The following TMEM130 variants were observed in gnomAD, a reference collection of about 807,000 sequenced individuals.
TMEM130 encodes the protein transmembrane protein 130.
A neutral mutation model predicts 42.9 loss-of-function variants in TMEM130; 37 were observed. The ratio of observed to expected loss-of-function variants is 0.86; its 90% CI spans 0.66 to 1.13. TMEM130 has a LOEUF of 1.13. Among genes scored for constraint, TMEM130 ranks in the 50% most tolerant of loss-of-function variants. TMEM130 has a pLI of 0.00. For missense variants in TMEM130, 545 were observed against 562.6 expected (o/e 0.97, Z 0.32); for synonymous variants, 259 against 237.7 (o/e 1.09, Z -0.82).
In TMEM130 at chr7:98,869,989, C is replaced by A; in HGVS notation, c.-128G>T. ...TGCGGGGAGGTGCGGGCGCCGTGCTCGCTCGTCCTCGCCGGGGGACGCTCT... is the reference window on the plus strand; with the variant it reads ...TGCGGGGAGGTGCGGGCGCCGTGCTAGCTCGTCCTCGCCGGGGGACGCTCT... On this transcript the variant is annotated 5_prime_UTR_variant, in exon 1 of 8. Transcript: ENST00000339375. This position sits in a 1 kb window ranked among gnomAD's most constrained non-coding sequence, Gnocchi z 4.7. 1 of 507,612 alleles carries A rather than the reference C, an allele frequency of 2.0e-6. No homozygotes were observed. The highest frequency in any genetic ancestry group is 9.9e-5 in the South Asian group (1 of 10,146). The allele number at this position is 507,612 out of a possible 1,614,324, so 31.4% of individuals were successfully genotyped here. A position where few individuals can be genotyped will look rare whatever the true frequency, so the allele number is the denominator to read the frequency against.
At chr7:98,868,405 C>T (rs1378788838) in intron 1 of TMEM130, among the ~76,000 whole-genome samples, 1 of 152,190 alleles carries the variant, frequency 6.6e-6, no homozygotes, top group African/African-American at 2.4e-5. Flanking sequence ...ATGGAAGAAA[C>T]ACCTACCTTT....
intron 4 of TMEM130, 138 bp downstream of exon 4, chr7:98,855,879 T>C: frequency 9.8e-7 from 1 of 1,025,356 alleles, no homozygotes; most frequent in Non-Finnish European, 1.4e-6. Context: ...TGAAGCAGGG[T>C]TAATGATAGA....
At chr7:98,848,438 T>C (rs1794412532) in intron 7 of TMEM130, 145 bp downstream of exon 7, 1 of 754,068 alleles carries the variant, frequency 1.3e-6, no homozygotes, top group Non-Finnish European at 2.2e-6. Context: ...TACAGATGCC[T>C]CTTGGGCACA....
rs148184467 is a variant in TMEM130, at chr7:98,867,216, A to T, written c.85+2561T>A. On this transcript the variant is annotated intron_variant, in intron 1 of 7. Coordinates refer to ENST00000339375, the MANE Select transcript of TMEM130 (RefSeq NM_152913.3). ...CAGTGTCTTAACCCCAAAGAGGGAAATCCAGAAGCTGTGATGGGAGCTTTT... is the reference window on the plus strand; with the variant it reads ...CAGTGTCTTAACCCCAAAGAGGGAATTCCAGAAGCTGTGATGGGAGCTTTT... 1.5e-3 allele frequency among the ~76,000 whole-genome samples: 236 copies of T among 152,278 alleles called. 1 individual carries two copies. Among genetic ancestry groups the T allele is most frequent in the African/African-American group, 5.4e-3 (226 of 41,562 alleles).
rs1027337827 is a variant in TMEM130 at position 98,855,232 on chromosome 7, T to G, written c.803+8A>C. 1.7e-5 allele frequency: 27 copies of G among 1,611,832 alleles called. No homozygotes were observed. The highest frequency in any genetic ancestry group is 3.3e-4 in the Middle Eastern group (2 of 6,056). ...GGGCACCCCCAGTGCGCTCTGGAGC[T>G]CACTTACCTCCCCAGGAAGTTCAAG... is the stretch of plus-strand genomic sequence containing the variant. On this transcript the variant is annotated splice_region_variant and intron_variant, in intron 5 of 7. Coordinates refer to ENST00000339375, the MANE Select transcript of TMEM130 (RefSeq NM_152913.3).
intron 3 of TMEM130, among the ~76,000 whole-genome samples, chr7:98,856,804 G>C (rs1427783261): frequency 1.3e-5 from 2 of 152,062 alleles, no homozygotes; most frequent in Non-Finnish European, 2.9e-5. Flanking sequence ...CCAAGCCGAG[G>C]GTTCTGTTGG....
At chr7:98,857,178 C>T (rs1033239112) in intron 3 of TMEM130, among the ~76,000 whole-genome samples, 1 of 152,190 alleles carries the variant, frequency 6.6e-6, no homozygotes, top group Non-Finnish European at 1.5e-5. Context: ...CCCTCTTGGC[C>T]TCTCAAAGCA....
rs11974191 is a variant in TMEM130, at chr7:98,854,012, T to C, written c.803+1228A>G. ...TGTGCAGACTGGAGGGCAGAACAGA[T>C]TTGCTTTTTTTGTTTTTTGGTTTTT... On this transcript the variant is annotated intron_variant, in intron 5 of 7. Transcript: ENST00000339375. Among the ~76,000 whole-genome samples the C allele has an allele frequency of 6.1e-3, 911 of 150,342 alleles. 7 individuals carry two copies. The highest frequency in any genetic ancestry group is 0.021 in the African/African-American group (873 of 40,934).
intron 2 of TMEM130, among the ~76,000 whole-genome samples, chr7:98,862,484 T>G (rs541291500): frequency 1.7e-5 from 2 of 115,310 alleles, no homozygotes; most frequent in East Asian, 5.9e-4. Flanking sequence ...ACTACAATAA[T>G]TTCTTTTTTT....
intron 5 of TMEM130, among the ~76,000 whole-genome samples, chr7:98,852,270 C>T (rs1794527575): frequency 6.6e-6 from 1 of 152,110 alleles, no homozygotes; most frequent in East Asian, 1.9e-4. Flanking sequence ...ACTGGGACTA[C>T]AGGCACACAC....
At chr7:98,855,891 G>C (rs553834101) in intron 4 of TMEM130, 126 bp downstream of exon 4, 1 of 1,102,888 alleles carries the variant, frequency 9.1e-7, no homozygotes, top group Non-Finnish European at 1.3e-6. Flanking sequence ...AATGATAGAC[G>C]CTCCTCAGAG....
Position 98,855,191 on chromosome 7 carries a change from A to G in TMEM130, c.803+49T>C, listed in dbSNP as rs782423481. The G allele has an allele frequency of 9.8e-6, 15 of 1,523,300 alleles. No homozygotes were observed. The African/African-American group carries it at 1.8e-4, about 18-fold the overall frequency. 94.4% of individuals were successfully genotyped at this position (1,523,300 alleles called of 1,614,324 possible). ...AGACTTGGGGTCATCGTGAAGGGGG[A>G]TGTGCAGAGCCCACGGGGCACCCCC... On this transcript the variant is annotated intron_variant, in intron 5 of 7. Coordinates refer to ENST00000339375, the MANE Select transcript of TMEM130 (RefSeq NM_152913.3).
At chr7:98,856,225 G>A (rs782086505) in intron 3 of TMEM130, 42 bp from the exon 4 acceptor site, 11 of 1,595,796 alleles carry the variant, frequency 6.9e-6, no homozygotes, top group South Asian at 3.3e-5. Context: ...GACAGCAGAC[G>A]GTTGCTTCCC....
At chr7:98,849,738 G>A (rs371549802) in intron 6 of TMEM130, among the ~76,000 whole-genome samples, 8 of 152,258 alleles carry the variant, frequency 5.3e-5, no homozygotes, top group African/African-American at 1.9e-4. Flanking sequence ...CCAGGACCAG[G>A]AATCTGAAAC....
chr7:98,854,674 C>T (rs1031324039), intron 5 of TMEM130, among the ~76,000 whole-genome samples: 5 of 152,126 alleles, frequency 3.3e-5, no homozygotes, highest in Non-Finnish European at 5.9e-5. Context: ...GAGGTCAAGG[C>T]TACATTGAGC....
intron 3 of TMEM130, among the ~76,000 whole-genome samples, chr7:98,856,467 C>T (rs1049724882): frequency 2.0e-5 from 3 of 152,174 alleles, no homozygotes; most frequent in African/African-American, 2.4e-5. Context: ...AACAGCCCCA[C>T]GTGGTGAAGA....
chr7:98,854,932 A>G (rs1794592749), intron 5 of TMEM130, among the ~76,000 whole-genome samples: 1 of 152,206 alleles, frequency 6.6e-6, no homozygotes, highest in Non-Finnish European at 1.5e-5. Context: ...GCTAGTCGGG[A>G]GGCTGAGTCA....
At chr7:98,853,218 A>T (rs1037846929) in intron 5 of TMEM130, among the ~76,000 whole-genome samples, 1 of 151,978 alleles carries the variant, frequency 6.6e-6, no homozygotes, top group East Asian at 1.9e-4. Flanking sequence ...CCCCGTGAAA[A>T]CTACCTCCAA....
Position 98,847,975 on chromosome 7 carries a change from G to A in TMEM130, c.*81C>T. The A allele has an allele frequency of 7.1e-7, 1 of 1,399,006 alleles. No homozygotes were observed. The highest frequency in any genetic ancestry group is 9.9e-7 in the Non-Finnish European group (1 of 1,007,512). 86.7% of individuals were successfully genotyped at this position (1,399,006 alleles called of 1,614,324 possible). ...AGCCCCACGCAAATGAACCCCTCCT[G>A]GTCAGTGGTGCACACCACCCTGCTG... On this transcript the variant is annotated 3_prime_UTR_variant, in exon 8 of 8. Coordinates refer to ENST00000339375, the MANE Select transcript of TMEM130 (RefSeq NM_152913.3).
Sources: gnomAD v4.1 joint callset for allele counts (sites outside exome capture counted in the v4.1 genomes callset) on GRCh38, gnomAD v4.1.1 for gene constraint, Gnocchi (gnomAD v3.1) non-coding constraint, MANE v1.5 for transcripts, NCBI Gene and HGNC (gene_info 2026-07-23, HGNC 2026-07-21) for gene names.